SLC15A1: variants seen among roughly 807,000 people sequenced by gnomAD.
SLC15A1 encodes solute carrier family 15 member 1, also known as Caco-2 oligopeptide transporter.
A neutral mutation model predicts 92.9 loss-of-function variants in SLC15A1; 83 were observed. The observed-to-expected ratio is 0.89, with a 90% CI of 0.75 to 1.07. SLC15A1 has a LOEUF of 1.07. Ranked by LOEUF, SLC15A1 falls within the 50% of genes least tolerant of loss-of-function variation. The pLI, the probability that SLC15A1 is intolerant of heterozygous loss-of-function variation, is 0.00. For missense variants in SLC15A1, 857 were observed against 880.1 expected (o/e 0.97, Z 0.33); for synonymous variants, 322 against 318.2 (o/e 1.01, Z -0.13).
At chr13:98,734,021 A>C (rs1035563016) in intron 1 of SLC15A1, among the ~76,000 whole-genome samples, 2 of 152,154 alleles carry the variant, frequency 1.3e-5, no homozygotes, top group African/African-American at 4.8e-5. Flanking sequence ...GCTGGAGAGC[A>C]GTGGTGCAAT....
intron 18 of SLC15A1, among the ~76,000 whole-genome samples, chr13:98,700,537 G>C (rs542004733): frequency 4.0e-4 from 54 of 133,886 alleles, no homozygotes; most frequent in Middle Eastern, 4.3e-3. Context: ...AACATTTTTA[G>C]TTTTGGTGAA....
intron 1 of SLC15A1, among the ~76,000 whole-genome samples, chr13:98,729,342 G>C (rs141725183): frequency 1.3e-5 from 2 of 152,194 alleles, no homozygotes; most frequent in African/African-American, 4.8e-5. Flanking sequence ...ATGAAAAGCA[G>C]CTCAACTGGA....
At chr13:98,736,100 G>T (rs1393158633) in intron 1 of SLC15A1, among the ~76,000 whole-genome samples, 3 of 152,068 alleles carry the variant, frequency 2.0e-5, no homozygotes, top group Non-Finnish European at 4.4e-5. Flanking sequence ...TATACTAGAA[G>T]GCTACAGTAA....
chr13:98,710,222 C>T (rs1157608258), intron 11 of SLC15A1, among the ~76,000 whole-genome samples: 1 of 152,178 alleles, frequency 6.6e-6, no homozygotes, highest in African/African-American at 2.4e-5. Context: ...CGTTGGAAAG[C>T]ATGGCATCGT....
At chr13:98,730,228 AGG>A in intron 1 of SLC15A1, among the ~76,000 whole-genome samples, 1 of 34,722 alleles carries the variant, frequency 2.9e-5, no homozygotes, top group African/African-American at 1.5e-4. Flanking sequence ...GGGGAAGGGA[AGG>A]GGAAGGGAAG....
intron 2 of SLC15A1, 146 bp from the exon 3 acceptor site, chr13:98,726,595 A>G (rs2088303670): frequency 7.4e-6 from 6 of 805,856 alleles, no homozygotes; most frequent in Non-Finnish European, 1.3e-5. Flanking sequence ...GCATTTAATC[A>G]TTTTATTCCC....
intron 1 of SLC15A1, 76 bp downstream of exon 1, chr13:98,752,519 C>T (rs1361581821): frequency 8.1e-7 from 1 of 1,239,172 alleles, no homozygotes; most frequent in Non-Finnish European, 1.0e-6. Flanking sequence ...TCGCGCCTCC[C>T]GGCCCTCGGT....
Position 98,743,086 on chromosome 13 carries a change from T to C in SLC15A1, c.4+9509A>G, listed in dbSNP as rs1449068537. 1.4e-4 allele frequency among the ~76,000 whole-genome samples: 21 copies of C among 152,196 alleles called. 1 individual carries two copies. The highest frequency in any genetic ancestry group is 1.4e-3 in the Admixed American group (21 of 15,274). ...ACCATGTCCAGTCCAGATTTCCTCT[T>C]TTTGTGAGGACACTGCTCATATTGA... On this transcript the variant is annotated intron_variant, in intron 1 of 22. Transcript: ENST00000376503.
chr13:98,713,579 T>C (rs1287621750), intron 9 of SLC15A1, among the ~76,000 whole-genome samples: 1 of 152,172 alleles, frequency 6.6e-6, no homozygotes, highest in African/African-American at 2.4e-5. Flanking sequence ...TATTTTAAGA[T>C]ATAATAACAC....
In SLC15A1 at chr13:98,688,529, T is replaced by C; in HGVS notation, c.1515A>G (p.Lys505=). ...TGTAGCTGCTGATGTTTGCATAAACTTTCCCACTCATTGTGATGGTGATGA... is the reference window on the plus strand; with the variant it reads ...TGTAGCTGCTGATGTTTGCATAAACCTTCCCACTCATTGTGATGGTGATGA... ...NELITITMSG[K]VYANISSYNA... The change falls in exon 19 of 23, where the codon AAA becomes AAG. Residue 505 remains lysine, a synonymous_variant. Transcript: ENST00000376503. 4 of 1,614,138 alleles carry C rather than the reference T, an allele frequency of 2.5e-6. No individual in the cohort carries two copies. The highest frequency in any genetic ancestry group is 2.5e-6 in the Non-Finnish European group (3 of 1,180,012).
chr13:98,716,863 A>G (rs1298467089), intron 8 of SLC15A1, among the ~76,000 whole-genome samples: 1 of 152,092 alleles, frequency 6.6e-6, no homozygotes, highest in African/African-American at 2.4e-5. Flanking sequence ...CTTTTTGGCA[A>G]GTCATATTGT....
chr13:98,688,205 G>A (rs759428623), intron 20 of SLC15A1, 43 bp downstream of exon 20: 12 of 1,277,174 alleles, frequency 9.4e-6, no homozygotes, highest in East Asian at 2.3e-5. Context: ...CATATCAATC[G>A]AGTATGAGCA....
At chr13:98,742,041 C>T (rs745529525) in intron 1 of SLC15A1, among the ~76,000 whole-genome samples, 1 of 152,212 alleles carries the variant, frequency 6.6e-6, no homozygotes, top group African/African-American at 2.4e-5. Context: ...GGACCTTGCA[C>T]GTGGGCCACT....
At chr13:98,716,634 A>AT (rs1401998635) in intron 8 of SLC15A1, among the ~76,000 whole-genome samples, 3 of 152,184 alleles carry the variant, frequency 2.0e-5, no homozygotes, top group Admixed American at 6.5e-5. Context: ...AATAATAAAA[A>AT]TAAAAATAAA....
intron 1 of SLC15A1, among the ~76,000 whole-genome samples, chr13:98,731,633 A>G (rs1251957539): frequency 2.0e-5 from 3 of 152,110 alleles, no homozygotes; most frequent in Non-Finnish European, 2.9e-5. Flanking sequence ...CTGTGTTCCC[A>G]GGGCTTCATC....
At chr13:98,723,160 G>A (rs576266720) in intron 5 of SLC15A1, among the ~76,000 whole-genome samples, 17 of 152,222 alleles carry the variant, frequency 1.1e-4, no homozygotes, top group Admixed American at 2.6e-4. Flanking sequence ...CTGCTCTGTG[G>A]GAGGGCTCAC....
rs759435755 is a variant in SLC15A1, at chr13:98,726,311, C to G, written c.104-47G>C. ...AGAGGAGGGGGAAACAAAGTTAGGA[C>G]TGGTTATGGCCACTCCCGCTCTTCC... On this transcript the variant is annotated intron_variant, in intron 3 of 22. Coordinates refer to ENST00000376503, the MANE Select transcript of SLC15A1 (RefSeq NM_005073.4). 3.1e-6 allele frequency: 5 copies of G among 1,612,970 alleles called. No homozygotes were observed. In the African/African-American group the frequency reaches 6.7e-5, roughly 22 times the overall value.
chr13:98,697,505 T>TATAGCC (rs1474230315), intron 18 of SLC15A1, among the ~76,000 whole-genome samples: 7 of 151,916 alleles, frequency 4.6e-5, no homozygotes, highest in African/African-American at 1.2e-4. Context: ...TGAATACAAT[T>TATAGCC]ATAGCCATGT....
intron 1 of SLC15A1, among the ~76,000 whole-genome samples, chr13:98,745,696 C>A (rs2088487745): frequency 6.6e-6 from 1 of 152,170 alleles, no homozygotes; most frequent in African/African-American, 2.4e-5. Flanking sequence ...GAGTGTGGCC[C>A]TGCTGACCCC....
Sources: gnomAD v4.1 joint callset for allele counts (sites outside exome capture counted in the v4.1 genomes callset) on GRCh38, gnomAD v4.1.1 for gene constraint, MANE v1.5 for transcripts, NCBI Gene and HGNC (gene_info 2026-07-23, HGNC 2026-07-21) for gene names.